The following ZCCHC2 variants were observed in gnomAD, a reference collection of about 807,000 sequenced individuals.
The protein encoded by ZCCHC2 is zinc finger CCHC-type containing 2.
A neutral mutation model predicts 103.6 loss-of-function variants in ZCCHC2; 39 were observed. The ratio of observed to expected loss-of-function variants is 0.38; its 90% CI spans 0.29 to 0.49. The LOEUF is 0.49. Ranked by LOEUF, ZCCHC2 falls within the 20% of genes least tolerant of loss-of-function variation. The pLI, the probability that ZCCHC2 is intolerant of heterozygous loss-of-function variation, is 0.96. For missense variants in ZCCHC2, 1,483 were observed against 1,491.0 expected (o/e 0.99, Z 0.09); for synonymous variants, 687 against 608.9 (o/e 1.13, Z -1.89).
At chr18:62,536,118 G>A (rs951160769) in intron 1 of ZCCHC2, among the ~76,000 whole-genome samples, 8 of 152,118 alleles carry the variant, frequency 5.3e-5, no homozygotes, top group African/African-American at 1.7e-4. Context: ...GTTTCACAAG[G>A]TCCCCACAGT....
intron 3 of ZCCHC2, among the ~76,000 whole-genome samples, chr18:62,543,236 C>G (rs1479007106): frequency 6.6e-6 from 1 of 152,152 alleles, no homozygotes; most frequent in African/African-American, 2.4e-5. Context: ...AAAGGCATTG[C>G]TTGCCAAATT....
chr18:62,538,259 T>C (rs1481377890), intron 1 of ZCCHC2, among the ~76,000 whole-genome samples: 1 of 24,494 alleles, frequency 4.1e-5, no homozygotes, highest in Admixed American at 3.4e-4. Flanking sequence ...AGACCCTGTC[T>C]CAAAAAAAAA....
At position 62,539,798 on chromosome 18, in the gene ZCCHC2, C is replaced by T; in HGVS notation, c.1051+6C>T. Reference sequence around the variant, plus strand: ...TCACAGAGCTCAGCGAGAAGGTATGCTCTCTTTTTTGTAAACTTAAAGCAT... The same window carrying T: ...TCACAGAGCTCAGCGAGAAGGTATGTTCTCTTTTTTGTAAACTTAAAGCAT... On this transcript the variant is annotated splice_donor_region_variant and intron_variant, in intron 2 of 13. Coordinates refer to ENST00000269499, the MANE Select transcript of ZCCHC2 (RefSeq NM_017742.6). The T allele has an allele frequency of 6.3e-7, 1 of 1,596,740 alleles. No individual in the cohort carries two copies. The highest frequency in any genetic ancestry group is 1.7e-4 in the Middle Eastern group (1 of 6,046).
rs944419631 is a variant in ZCCHC2, at chr18:62,523,830, G to A, written c.406G>A (p.Asp136Asn). 2.6e-6 allele frequency: 4 copies of A among 1,544,640 alleles called. No individual in the cohort carries two copies. Among genetic ancestry groups the A allele is most frequent in the Non-Finnish European group, 3.5e-6 (4 of 1,146,340 alleles). The change falls in exon 1 of 14, where the codon GAC becomes AAC. Residue 136 changes from aspartate (D) to asparagine (N), a missense_variant. By Grantham distance (23) the Asp-to-Asn change is conservative. This residue lies in a region of ZCCHC2 where 568 missense variants were observed against 525.1 expected (regional missense o/e 1.08). Transcript: ENST00000269499. ...GCGCTTCCTTGGCTCGTGCCTGGAG[G>A]ACCTGGCGCGCAAGGACTACCACTA... ...ELRFLGSCLE[D>N]LARKDYHYLR...
intron 2 of ZCCHC2, among the ~76,000 whole-genome samples, chr18:62,542,063 T>C (rs1007656863): frequency 2.0e-5 from 3 of 152,190 alleles, no homozygotes; most frequent in Non-Finnish European, 4.4e-5. Flanking sequence ...AATGTAAAAC[T>C]AGATATTTTG....
intron 1 of ZCCHC2, among the ~76,000 whole-genome samples, chr18:62,526,580 T>G (rs886436381): frequency 1.3e-5 from 2 of 152,132 alleles, no homozygotes; most frequent in Non-Finnish European, 2.9e-5. Flanking sequence ...TAAGCCCTCA[T>G]TCGCTGCAGT....
At chr18:62,524,599 C>T in intron 1 of ZCCHC2, 2 of 548,952 alleles carry the variant, frequency 3.6e-6, no homozygotes, top group East Asian at 3.5e-5. Context: ...TCACAGAATG[C>T]TCTAGAAGTC....
downstream of ZCCHC2, chr18:62,581,976 G>T (rs936686961): frequency 4.5e-5 from 7 of 156,144 alleles, no homozygotes; most frequent in African/African-American, 1.4e-4. Context: ...GGAAGGGGAC[G>T]CAGGCTGGGC....
chr18:62,531,389 A>G (rs528980351), intron 1 of ZCCHC2, among the ~76,000 whole-genome samples: 1 of 152,282 alleles, frequency 6.6e-6, no homozygotes, highest in South Asian at 2.1e-4. Flanking sequence ...GCCTCAGTTC[A>G]TTAGAAATGT....
In ZCCHC2 at chr18:62,577,440, A is replaced by G. The variant is rs1035896134; in HGVS notation, c.*861A>G. Reference sequence around the variant, plus strand: ...TGTTTGTAATGAAAGTCTACAGCCAATTTTACTTGTCTACCACCGTGTTGT... The same window carrying G: ...TGTTTGTAATGAAAGTCTACAGCCAGTTTTACTTGTCTACCACCGTGTTGT... On this transcript the variant is annotated 3_prime_UTR_variant, in exon 14 of 14. Transcript: ENST00000269499. The G allele has an allele frequency of 6.6e-6, 1 of 152,248 alleles. No homozygotes were observed. The highest frequency in any genetic ancestry group is 1.5e-5 in the Non-Finnish European group (1 of 68,028). The allele number at this position is 152,248 out of a possible 1,614,324, so 9.4% of individuals were successfully genotyped here.
intron 4 of ZCCHC2, among the ~76,000 whole-genome samples, chr18:62,546,803 A>G (rs1218064713): frequency 2.0e-5 from 3 of 152,230 alleles, no homozygotes; most frequent in African/African-American, 7.2e-5. Context: ...TTTAAAACAA[A>G]TACAACTCCA....
At chr18:62,549,964 G>A (rs896113711) in intron 4 of ZCCHC2, among the ~76,000 whole-genome samples, 2 of 152,210 alleles carry the variant, frequency 1.3e-5, no homozygotes, top group South Asian at 2.1e-4. Flanking sequence ...ACTATTCCAG[G>A]GTAAAAATAG....
intron 1 of ZCCHC2, among the ~76,000 whole-genome samples, chr18:62,534,283 G>C (rs1454468895): frequency 4.0e-5 from 6 of 149,182 alleles, no homozygotes; most frequent in Admixed American, 4.0e-4. Flanking sequence ...GTGCAATCCA[G>C]CCTGGGAGAC....
Position 62,558,678 on chromosome 18 carries a change from T to G in ZCCHC2, c.1409-9T>G, listed in dbSNP as rs1370247849. On this transcript the variant is annotated splice_polypyrimidine_tract_variant and intron_variant, in intron 6 of 13. Transcript: ENST00000269499. ...CTAAAAAGTTAATAGTATTGAATGC[T>G]TCCTGCAGATAACTTACAATCCTCT... 1.3e-6 allele frequency: 2 copies of G among 1,483,488 alleles called. No individual in the cohort carries two copies. The highest frequency in any genetic ancestry group is 1.8e-6 in the Non-Finnish European group (2 of 1,107,312). The allele number at this position is 1,483,488 out of a possible 1,614,324, so 91.9% of individuals were successfully genotyped here.
chr18:62,554,651 C>G (rs1915806811), intron 5 of ZCCHC2, among the ~76,000 whole-genome samples: 1 of 152,142 alleles, frequency 6.6e-6, no homozygotes, highest in African/African-American at 2.4e-5. Context: ...GGGCTGTTGC[C>G]TGGGACTCAG....
At position 62,523,487 on chromosome 18, in the gene ZCCHC2, G is replaced by A. The variant is rs996883003; in HGVS notation, c.63G>A (p.Glu21=). ...CCGCGGAGCCGCCGCCCGAGGCGGA[G>A]GAGCCCGAGGCGGACGCGCGGCCGG... ...THPAEPPPEA[E]EPEADARPGA... The change falls in exon 1 of 14, where the codon GAG becomes GAA. Residue 21 remains glutamate, a synonymous_variant. Transcript: ENST00000269499. 4.9e-4 allele frequency: 510 copies of A among 1,048,164 alleles called. 3 individuals are homozygous for A. The African/African-American group carries it at 8.5e-3, about 17-fold the overall frequency. The allele number at this position is 1,048,164 out of a possible 1,614,324, so 64.9% of individuals were successfully genotyped here.
chr18:62,532,650 T>TA (rs1049248404), intron 1 of ZCCHC2, among the ~76,000 whole-genome samples: 45 of 152,348 alleles, frequency 3.0e-4, no homozygotes, highest in African/African-American at 8.7e-4. Context: ...GTGGCAGTCT[T>TA]AAAGGATTAT....
chr18:62,558,554 T>C (rs942114760), intron 6 of ZCCHC2, 133 bp from the exon 7 acceptor site: 39 of 524,306 alleles, frequency 7.4e-5, no homozygotes, highest in Non-Finnish European at 1.2e-4. Context: ...TCATCTTGCC[T>C]TCTCACTAGT....
intron 2 of ZCCHC2, 47 bp from the exon 3 acceptor site, chr18:62,542,451 T>C (rs914974467): frequency 5.4e-6 from 8 of 1,480,100 alleles, no homozygotes; most frequent in African/African-American, 1.4e-5. Context: ...GTGAAATGTG[T>C]CTATAGTCTT....
Sources: gnomAD v4.1 joint callset for allele counts (sites outside exome capture counted in the v4.1 genomes callset) on GRCh38, gnomAD v4.1.1 for gene constraint, gnomAD v4.1.1 regional missense constraint, MANE v1.5 for transcripts, NCBI Gene and HGNC (gene_info 2026-07-23, HGNC 2026-07-21) for gene names.